Variants in SH3KBP1 observed in about 807,000 individuals in gnomAD.
The protein encoded by SH3KBP1 is SH3 domain containing kinase binding protein 1, also known as SH3 domain-containing kinase-binding protein 1.
SH3KBP1 carries 8 observed loss-of-function variants against 50.1 expected under a neutral mutation model. The ratio of observed to expected loss-of-function variants is 0.16; its 90% CI spans 0.09 to 0.29. The LOEUF (loss-of-function observed/expected upper bound fraction) is 0.29, where lower values mean the gene tolerates loss of function less well. Ranked by LOEUF, SH3KBP1 falls within the 10% of genes least tolerant of loss-of-function variation. The probability of loss-of-function intolerance (pLI) is 1.00; values close to 1 mark genes in which losing one functional copy is unlikely to be tolerated. For synonymous variants in SH3KBP1, 227 were observed against 218.6 expected, an observed-to-expected ratio of 1.04 and a Z score of -0.34; for missense variants, 377 against 535.2, an observed-to-expected ratio of 0.70 and a Z score of 2.92.
chrX:19,554,549 G>A (rs1331189082), intron 13 of SH3KBP1, among the ~76,000 whole-genome samples: 5 of 107,353 alleles, frequency 4.7e-5, no homozygotes, highest in East Asian at 5.7e-4. Context: ...TTACAGGCAC[G>A]CGCCACCACA....
intron 3 of SH3KBP1, among the ~76,000 whole-genome samples, chrX:19,709,134 T>C (rs2063719943): frequency 8.9e-6 from 1 of 112,128 alleles, no homozygotes; most frequent in Non-Finnish European, 1.9e-5. Context: ...CGGACTTCCA[T>C]AAAGGCCTGC....
intron 1 of SH3KBP1, among the ~76,000 whole-genome samples, chrX:19,863,884 T>C (rs2068839127): frequency 8.9e-6 from 1 of 112,202 alleles, no homozygotes; most frequent in African/African-American, 3.2e-5. Context: ...AAGCCCATGC[T>C]TTTATTTTCT....
At chrX:19,876,719 G>A (rs1171829181) in intron 1 of SH3KBP1, among the ~76,000 whole-genome samples, 1 of 111,877 alleles carries the variant, frequency 8.9e-6, no homozygotes, top group Non-Finnish European at 1.9e-5. Flanking sequence ...CCTATGGGGA[G>A]GGTCACTGCA....
At chrX:19,815,713 G>A (rs2067333690) in intron 2 of SH3KBP1, among the ~76,000 whole-genome samples, 1 of 111,711 alleles carries the variant, frequency 9.0e-6, no homozygotes, top group African/African-American at 3.3e-5. Context: ...CAAGTCTATA[G>A]CTTTGTCATT....
intron 8 of SH3KBP1, among the ~76,000 whole-genome samples, chrX:19,609,037 G>C (rs1046635107): frequency 8.9e-6 from 1 of 112,710 alleles, no homozygotes; most frequent in African/African-American, 3.2e-5. Context: ...TCTGGACACT[G>C]AGCCAGGTGC....
intron 14 of SH3KBP1, among the ~76,000 whole-genome samples, chrX:19,548,584 T>C (rs762186234): frequency 4.8e-4 from 53 of 111,290 alleles, no homozygotes; most frequent in African/African-American, 1.7e-3. Context: ...AGGTTTTTCA[T>C]ACTAAGAGGA....
rs752401421 is a variant in SH3KBP1, at chrX:19,693,733, G to A, written c.520+1879C>T. 1.3e-4 allele frequency among the ~76,000 whole-genome samples: 14 copies of A among 111,742 alleles called. No individual in the cohort carries two copies. The South Asian group carries it at 4.9e-3, about 39-fold the overall frequency. On this transcript the variant is annotated intron_variant, in intron 5 of 17. Transcript: ENST00000397821. Reference sequence around the variant, plus strand: ...GCAGCACCATATGCCTTTAGCTGAGGGGTCAGACAGGGTGAACTGTCCATA... The same window carrying A: ...GCAGCACCATATGCCTTTAGCTGAGAGGTCAGACAGGGTGAACTGTCCATA...
intron 8 of SH3KBP1, among the ~76,000 whole-genome samples, chrX:19,629,776 AT>A (rs1242646211): frequency 1.8e-5 from 2 of 112,426 alleles, no homozygotes; most frequent in African/African-American, 6.5e-5. Flanking sequence ...TGACAACGTC[AT>A]GTTTTGCAAA....
chrX:19,643,256 G>T (rs2061904076), intron 7 of SH3KBP1, among the ~76,000 whole-genome samples: 1 of 106,078 alleles, frequency 9.4e-6, no homozygotes, highest in African/African-American at 3.5e-5. Flanking sequence ...CCCAGAATTT[G>T]CTCTTGACAA....
intron 2 of SH3KBP1, among the ~76,000 whole-genome samples, chrX:19,778,775 T>A (rs774717841): frequency 9.1e-6 from 1 of 110,398 alleles, no homozygotes; most frequent in South Asian, 3.9e-4. Context: ...GAGTGACACA[T>A]TGGGCTGCTT....
At chrX:19,876,286 G>A (rs911584196) in intron 1 of SH3KBP1, among the ~76,000 whole-genome samples, 11 of 111,760 alleles carry the variant, frequency 9.8e-5, no homozygotes, top group African/African-American at 1.6e-4. Flanking sequence ...GCTTGAACCC[G>A]GGAGACACAG....
At chrX:19,756,005 T>C (rs2148844638) in intron 2 of SH3KBP1, among the ~76,000 whole-genome samples, 1 of 111,067 alleles carries the variant, frequency 9.0e-6, no homozygotes, top group African/African-American at 3.3e-5. Context: ...GCTCGGCTCT[T>C]GAGACAGGAG....
At position 19,608,032 on chromosome X, in the gene SH3KBP1, A is replaced by T; in HGVS notation, c.911T>A (p.Val304Glu). The T allele has an allele frequency of 8.3e-7, 1 of 1,209,428 alleles. No homozygotes were observed. Among genetic ancestry groups the T allele is most frequent in the Non-Finnish European group, 1.1e-6 (1 of 893,862 alleles). ...VTLINKDCID[V>E]GWWEGELNGR... is the part of the protein sequence containing the mutation. Reference sequence around the variant, plus strand: ...GTTCAGCTCTCCTTCCCACCAGCCTACGTCGATGCAGTCCTAGAAAACAGG... The same window carrying T: ...GTTCAGCTCTCCTTCCCACCAGCCTTCGTCGATGCAGTCCTAGAAAACAGG... The change falls in exon 9 of 18, where the codon GTA becomes GAA. Residue 304 changes from valine to glutamate, a missense_variant. Physicochemically the swap from Val to Glu is moderately radical, Grantham distance 121. Coordinates refer to ENST00000397821, the MANE Select transcript of SH3KBP1 (RefSeq NM_031892.3).
chrX:19,589,199 T>C (rs770117688), intron 11 of SH3KBP1, among the ~76,000 whole-genome samples: 1 of 112,702 alleles, frequency 8.9e-6, no homozygotes, highest in Admixed American at 9.3e-5. Flanking sequence ...TCAGACACTT[T>C]CTGGGTGTTT....
chrX:19,587,079 A>G (rs1336404625), intron 12 of SH3KBP1, among the ~76,000 whole-genome samples: 1 of 110,052 alleles, frequency 9.1e-6, no homozygotes, highest in Non-Finnish European at 1.9e-5. Context: ...AAAATTAGCC[A>G]GGCGTGGTGG....
chrX:19,741,921 C>G (rs1464859255), intron 3 of SH3KBP1, among the ~76,000 whole-genome samples: 2 of 111,073 alleles, frequency 1.8e-5, no homozygotes, highest in East Asian at 2.8e-4. Flanking sequence ...AGGAGAGGTT[C>G]AGAGAGAGGC....
At chrX:19,760,057 TC>T (rs2065360756) in intron 2 of SH3KBP1, among the ~76,000 whole-genome samples, 1 of 96,782 alleles carries the variant, frequency 1.0e-5, no homozygotes, top group East Asian at 3.2e-4. Flanking sequence ...TCTCTCTCTC[TC>T]TCTCTCTCTC....
intron 3 of SH3KBP1, among the ~76,000 whole-genome samples, chrX:19,713,926 T>C (rs925784232): frequency 2.0e-4 from 22 of 111,984 alleles, no homozygotes; most frequent in African/African-American, 7.1e-4. Flanking sequence ...AGCAAAGATA[T>C]GCAATCAACT....
At chrX:19,832,228 G>C (rs1202469320) in intron 2 of SH3KBP1, among the ~76,000 whole-genome samples, 1 of 111,754 alleles carries the variant, frequency 8.9e-6, no homozygotes, top group African/African-American at 3.3e-5. Flanking sequence ...GGACACCTGA[G>C]CAGGTGAGCG....
Sources: gnomAD v4.1 joint callset for allele counts (sites outside exome capture counted in the v4.1 genomes callset) on GRCh38, gnomAD v4.1.1 for gene constraint, MANE v1.5 for transcripts, NCBI Gene and HGNC (gene_info 2026-07-23, HGNC 2026-07-21) for gene names.